Variants in GRM1 observed in about 807,000 individuals in gnomAD.
GRM1 encodes the protein glutamate metabotropic receptor 1.
In GRM1, 33 loss-of-function variants were observed where a neutral mutation model predicts 90.9. That is an observed-to-expected ratio of 0.36 (90% CI 0.28 to 0.49). The LOEUF is 0.49. Among genes scored for constraint, GRM1 ranks in the 20% least tolerant of loss-of-function variants. GRM1 has a pLI of 0.99. For synonymous variants in GRM1, 700 were observed against 613.2 expected (o/e 1.14, Z -2.09); for missense variants, 1,190 against 1,534.3 (o/e 0.78, Z 3.75).
At chr6:146,050,669 C>T (rs1182860463) in intron 1 of GRM1, among the ~76,000 whole-genome samples, 2 of 151,512 alleles carry the variant, frequency 1.3e-5, no homozygotes, top group Non-Finnish European at 2.9e-5. Flanking sequence ...TGACAATACT[C>T]TTAGCTGCTC....
rs1420748700 is a variant in GRM1 at position 146,295,773 on chromosome 6, T to C, written c.951-8838T>C. 3.3e-5 allele frequency among the ~76,000 whole-genome samples: 5 copies of C among 152,308 alleles called. No homozygotes were observed. The East Asian group carries it at 7.7e-4, about 23-fold the overall frequency. On this transcript the variant is annotated intron_variant, in intron 2 of 7. Transcript: ENST00000282753. Reference sequence around the variant, plus strand: ...TAGGTTCGAGGGTCATGGGCAGGTTTGTTACATAGGTAAAATCATGTCAAG... The same window carrying C: ...TAGGTTCGAGGGTCATGGGCAGGTTCGTTACATAGGTAAAATCATGTCAAG...
chr6:146,170,091 A>G (rs1193676008), intron 2 of GRM1, among the ~76,000 whole-genome samples: 1 of 152,014 alleles, frequency 6.6e-6, no homozygotes, highest in African/African-American at 2.4e-5. Flanking sequence ...TGAATATGTC[A>G]TTCAACTGTC....
At chr6:146,374,600 T>C (rs889885780) in intron 5 of GRM1, among the ~76,000 whole-genome samples, 1 of 152,132 alleles carries the variant, frequency 6.6e-6, no homozygotes, top group African/African-American at 2.4e-5. Flanking sequence ...TCTTGGTAGG[T>C]TGTGTGTATC....
At chr6:146,338,488 C>G (rs778620961) in intron 3 of GRM1, among the ~76,000 whole-genome samples, 1 of 152,216 alleles carries the variant, frequency 6.6e-6, no homozygotes. Flanking sequence ...CTTCTCAGGG[C>G]CTCTTGCATG....
chr6:146,253,813 G>A (rs1047546935), intron 2 of GRM1, among the ~76,000 whole-genome samples: 1 of 152,116 alleles, frequency 6.6e-6, no homozygotes, highest in African/African-American at 2.4e-5. Flanking sequence ...ATACATGGCT[G>A]TCTGCTATTG....
At chr6:146,383,501 A>G (rs1562655551) in intron 5 of GRM1, among the ~76,000 whole-genome samples, 2 of 152,148 alleles carry the variant, frequency 1.3e-5, no homozygotes, top group African/African-American at 4.8e-5. Flanking sequence ...TAGAAAAGAT[A>G]TCTTTTATAA....
chr6:146,237,120 T>TGTGA (rs1273413105), intron 2 of GRM1, among the ~76,000 whole-genome samples: 1 of 152,150 alleles, frequency 6.6e-6, no homozygotes, highest in Non-Finnish European at 1.5e-5. Context: ...TGAGGTTAGT[T>TGTGA]GGTTGCTTTG....
intron 1 of GRM1, among the ~76,000 whole-genome samples, chr6:146,137,195 G>A (rs534024251): frequency 3.3e-5 from 5 of 152,164 alleles, no homozygotes; most frequent in African/African-American, 1.2e-4. Flanking sequence ...GTTCATTTTT[G>A]CTTCGGTTGC....
At chr6:146,147,071 T>G (rs1391993376) in intron 1 of GRM1, among the ~76,000 whole-genome samples, 1 of 152,236 alleles carries the variant, frequency 6.6e-6, no homozygotes, top group Admixed American at 6.5e-5. Flanking sequence ...TGACAACTTC[T>G]GCTTAAATCT....
At position 146,286,627 on chromosome 6, in the gene GRM1, G is replaced by A. The variant is rs1782773988; in HGVS notation, c.951-17984G>A. On this transcript the variant is annotated intron_variant, in intron 2 of 7. Transcript: ENST00000282753. ...ACACTTTCAGTTAAATTACAAATGTGGCAACTGAAAGGGCTTCATGTTTAG... is the reference window on the plus strand; with the variant it reads ...ACACTTTCAGTTAAATTACAAATGTAGCAACTGAAAGGGCTTCATGTTTAG... Among the ~76,000 whole-genome samples, 6 of 152,290 alleles carry A rather than the reference G, an allele frequency of 3.9e-5. No homozygotes were observed. In the South Asian group the frequency reaches 1.2e-3, roughly 32 times the overall value.
chr6:146,299,978 A>G lies in GRM1; in HGVS notation c.951-4633A>G, dbSNP rs145694518. On this transcript the variant is annotated intron_variant, in intron 2 of 7. Coordinates refer to ENST00000282753, the MANE Select transcript of GRM1 (RefSeq NM_001278064.2). ...TATTCATTTGATAAATGTCAAATGA[A>G]TATGACACGTGCTATATTTCTTCAA... Among the ~76,000 whole-genome samples the G allele has an allele frequency of 7.9e-3, 1,202 of 152,346 alleles. 6 individuals are homozygous for G. Among genetic ancestry groups the G allele is most frequent in the Non-Finnish European group, 0.01 (699 of 68,030 alleles).
At chr6:146,316,344 C>T (rs1355675593) in intron 3 of GRM1, among the ~76,000 whole-genome samples, 2 of 152,186 alleles carry the variant, frequency 1.3e-5, no homozygotes, top group Non-Finnish European at 2.9e-5. Flanking sequence ...ACCTAGGTAA[C>T]CCAGGATAAT....
intron 2 of GRM1, among the ~76,000 whole-genome samples, chr6:146,175,702 CA>C: frequency 6.6e-6 from 1 of 151,858 alleles, no homozygotes; most frequent in East Asian, 1.9e-4. Flanking sequence ...TTTTTAAAGT[CA>C]CAAACTGGAG....
intron 1 of GRM1, among the ~76,000 whole-genome samples, chr6:146,090,242 C>T (rs182587845): frequency 1.6e-4 from 24 of 152,190 alleles, no homozygotes; most frequent in Admixed American, 1.4e-3. Context: ...AAAACCTTGC[C>T]AGCAGTCTTC....
In GRM1 at chr6:146,095,648, C is replaced by T. The variant is rs1243980873; in HGVS notation, c.701-63700C>T. Among the ~76,000 whole-genome samples, 12 of 152,126 alleles carry T rather than the reference C, an allele frequency of 7.9e-5. No individual in the cohort carries two copies. The East Asian group carries it at 2.3e-3, about 29-fold the overall frequency. ...ATCCCTTAGTATTACAGTGTATTCT[C>T]TGAATCATCTTTGTATGCCTGATAG... On this transcript the variant is annotated intron_variant, in intron 1 of 7. Transcript: ENST00000282753.
intron 2 of GRM1, among the ~76,000 whole-genome samples, chr6:146,302,644 G>T (rs1783431779): frequency 6.6e-6 from 1 of 151,484 alleles, no homozygotes; most frequent in African/African-American, 2.4e-5. Flanking sequence ...ACCTCCCTTG[G>T]CCTCCCAAAG....
At position 146,399,242 on chromosome 6, in the gene GRM1, T is replaced by A; in HGVS notation, c.2203T>A (p.Ser735Thr). 1 of 1,614,018 alleles carries A rather than the reference T, an allele frequency of 6.2e-7. No homozygotes were observed. Among genetic ancestry groups the A allele is most frequent in the Non-Finnish European group, 8.5e-7 (1 of 1,179,978 alleles). The part of the protein sequence containing the change: ...IIMEPPMPIL[S>T]YPSIKEVYLI... ...CATGGAACCCCCTATGCCCATTCTG[T>A]CCTACCCAAGTATCAAGGAAGTCTA... Residue 735 changes from serine (S) to threonine (T), a missense_variant, in exon 7 of 8, where the codon TCC becomes ACC. Physicochemically the swap from Ser to Thr is moderately conservative, Grantham distance 58 (BLOSUM62 1). Around this residue, in one of 10 missense-constraint regions of GRM1, gnomAD observed 414 missense variants for 598.4 expected, o/e 0.69. Coordinates refer to ENST00000282753, the MANE Select transcript of GRM1 (RefSeq NM_001278064.2). The surrounding 1 kb of genome is among the most constrained non-coding windows in gnomAD (Gnocchi z 5.4).
intron 7 of GRM1, among the ~76,000 whole-genome samples, chr6:146,432,626 C>T (rs1778456334): frequency 6.6e-6 from 1 of 152,084 alleles, no homozygotes; most frequent in South Asian, 2.1e-4. Context: ...TACTATTATG[C>T]TACTTTCTCT....
At chr6:146,091,937 T>C (rs1377836939) in intron 1 of GRM1, among the ~76,000 whole-genome samples, 2 of 152,100 alleles carry the variant, frequency 1.3e-5, no homozygotes, top group African/African-American at 4.8e-5. Context: ...CTTTGGACTG[T>C]TGAGATTCCA....
Sources: allele counts gnomAD v4.1 joint callset (sites outside exome capture counted in the v4.1 genomes callset), GRCh38; gene constraint gnomAD v4.1.1; regional missense constraint gnomAD v4.1.1; non-coding constraint Gnocchi (gnomAD v3.1); transcripts MANE v1.5; gene names NCBI Gene and HGNC (gene_info 2026-07-23, HGNC 2026-07-21).